Variants in PIWIL4 observed in about 807,000 individuals in gnomAD.
The protein encoded by PIWIL4 is piwi-like protein 4.
PIWIL4 carries 50 observed loss-of-function variants against 100.9 expected under a neutral mutation model. The ratio of observed to expected loss-of-function variants is 0.50; its 90% CI spans 0.39 to 0.63. PIWIL4 has a LOEUF of 0.63. PIWIL4 is among the 20% of genes least tolerant of loss of function. The pLI, the probability that PIWIL4 is intolerant of heterozygous loss-of-function variation, is 0.00. For synonymous variants in PIWIL4, 342 were observed against 367.5 expected, an observed-to-expected ratio of 0.93 and a Z score of 0.79; for missense variants, 887 against 1,043.3, an observed-to-expected ratio of 0.85 and a Z score of 2.06.
At chr11:94,593,713 C>T (rs1041623208) in intron 9 of PIWIL4, 72 bp downstream of exon 9, 43 of 1,511,302 alleles carry the variant, frequency 2.8e-5, no homozygotes, top group Non-Finnish European at 3.8e-5. Context: ...TGGGCAGACC[C>T]TCTTTAAGTT....
chr11:94,591,044 G>A (rs1948478884), intron 8 of PIWIL4, among the ~76,000 whole-genome samples: 1 of 152,220 alleles, frequency 6.6e-6, no homozygotes, highest in African/African-American at 2.4e-5. Context: ...TAAGAACCGA[G>A]TAAGATAATT....
intron 1 of PIWIL4, 24 bp downstream of exon 1, chr11:94,567,629 T>C (rs1948093727): frequency 6.4e-7 from 1 of 1,565,514 alleles, no homozygotes. Flanking sequence ...TTATTGCGCA[T>C]GGTTTCGTTT....
At chr11:94,595,282 C>T (rs1277329436) in intron 9 of PIWIL4, 27 bp from the exon 10 acceptor site, 1 of 1,595,860 alleles carries the variant, frequency 6.3e-7, no homozygotes, top group Non-Finnish European at 8.6e-7. Context: ...TTCATTTTCT[C>T]ACTTTGTCTT....
intron 13 of PIWIL4, among the ~76,000 whole-genome samples, chr11:94,605,275 A>G (rs1223454203): frequency 1.4e-4 from 21 of 152,186 alleles, no homozygotes; most frequent in Non-Finnish European, 2.8e-4. Flanking sequence ...CTCTCCTTCA[A>G]TCTGGAACAG....
At chr11:94,618,175 A>C in intron 17 of PIWIL4, 68 bp downstream of exon 17, 1 of 1,429,570 alleles carries the variant, frequency 7.0e-7, no homozygotes, top group Non-Finnish European at 9.3e-7. Context: ...TATTACACAC[A>C]AGGTATTCAA....
intron 3 of PIWIL4, among the ~76,000 whole-genome samples, 173 bp downstream of exon 3, chr11:94,575,303 C>T (rs1948222498): frequency 6.6e-6 from 1 of 152,182 alleles, no homozygotes; most frequent in African/African-American, 2.4e-5. Flanking sequence ...TTAATTTTCT[C>T]TTTTATTAGT....
intron 5 of PIWIL4, among the ~76,000 whole-genome samples, chr11:94,584,987 C>G (rs1948378641): frequency 6.6e-6 from 1 of 152,210 alleles, no homozygotes; most frequent in African/African-American, 2.4e-5. Flanking sequence ...AATCGCTTAA[C>G]CCGGGAGGCG....
Position 94,604,157 on chromosome 11 carries a change from C to G in PIWIL4, c.1638+101C>G, listed in dbSNP as rs988500674. 2.3e-4 allele frequency: 135 copies of G among 595,218 alleles called. No homozygotes were observed. The African/African-American group carries it at 2.5e-3, about 11-fold the overall frequency. The allele number at this position is 595,218 out of a possible 1,614,324, so 36.9% of individuals were successfully genotyped here. A position where few individuals can be genotyped will look rare whatever the true frequency, so the allele number is the denominator to read the frequency against. On this transcript the variant is annotated intron_variant, in intron 13 of 19. Coordinates refer to ENST00000299001, the MANE Select transcript of PIWIL4 (RefSeq NM_152431.3). ...CCTCCCATGATATATTTGCAAATTG[C>G]CATGCATTTCTCCAAAGCACCGAAG...
chr11:94,601,990 A>T lies in PIWIL4; in HGVS notation c.1565+11A>T. 6.3e-7 allele frequency: 1 copy of T among 1,593,962 alleles called. No homozygotes were observed. The highest frequency in any genetic ancestry group is 8.5e-7 in the Non-Finnish European group (1 of 1,172,996). On this transcript the variant is annotated intron_variant, in intron 12 of 19. Coordinates refer to ENST00000299001, the MANE Select transcript of PIWIL4 (RefSeq NM_152431.3). ...GGACTACCCCAAAATGTGAGAATACATTGAATTTTGTTCATATATTAATTT... is the reference window on the plus strand; with the variant it reads ...GGACTACCCCAAAATGTGAGAATACTTTGAATTTTGTTCATATATTAATTT...
rs370269405 is a variant in PIWIL4, at chr11:94,606,709, C to T, written c.1639-730C>T. ...ATTAGCCGGGCGTGGTGGCAGGCGC[C>T]TGTAATCCCAGCTACTCGGGAGGCT... On this transcript the variant is annotated intron_variant, in intron 13 of 19. Transcript: ENST00000299001. Among the ~76,000 whole-genome samples, 402 of 152,166 alleles carry T rather than the reference C, an allele frequency of 2.6e-3. 2 individuals carry two copies. Among genetic ancestry groups the T allele is most frequent in the Middle Eastern group, 0.01 (3 of 294 alleles).
intron 13 of PIWIL4, among the ~76,000 whole-genome samples, chr11:94,605,446 C>G (rs965732935): frequency 3.3e-5 from 5 of 152,194 alleles, no homozygotes; most frequent in Non-Finnish European, 7.3e-5. Flanking sequence ...ATCCTATATT[C>G]TAAGTGCATC....
Position 94,577,289 on chromosome 11 carries a change from A to G in PIWIL4, c.310A>G (p.Ile104Val), listed in dbSNP as rs760893162. The G allele has an allele frequency of 5.0e-6, 8 of 1,613,018 alleles. No homozygotes were observed. The Admixed American group carries it at 1.0e-4, about 20-fold the overall frequency. ...VRNCKTGSSG[I>V]PVKLVTNLFN... is the part of the protein sequence containing the mutation. ...TTTGTCTTCTTCAGGTTCCAGTGGA[A>G]TACCTGTGAAACTGGTTACAAACCT... Residue 104 changes from isoleucine to valine, a missense_variant, in exon 4 of 20, where the codon ATA becomes GTA. Physicochemically the swap from Ile to Val is conservative, Grantham distance 29. This residue lies in a region of PIWIL4 where 741 missense variants were observed against 930.0 expected (regional missense o/e 0.80). Transcript: ENST00000299001.
Position 94,619,891 on chromosome 11 carries a change from T to C in PIWIL4, c.2294+6T>C, listed in dbSNP as rs998326447. ...GAAGCAACACGTAACGAATGGCAAG[T>C]GCCGCTGGAAAATCAATTTTTAACA... On this transcript the variant is annotated splice_donor_region_variant and intron_variant, in intron 18 of 19. Coordinates refer to ENST00000299001, the MANE Select transcript of PIWIL4 (RefSeq NM_152431.3). 1.5e-5 allele frequency: 25 copies of C among 1,614,216 alleles called. No homozygotes were observed. The highest frequency in any genetic ancestry group is 2.1e-5 in the Non-Finnish European group (25 of 1,180,034).
chr11:94,585,794 A>G (rs924822710), intron 6 of PIWIL4, among the ~76,000 whole-genome samples: 2 of 152,234 alleles, frequency 1.3e-5, no homozygotes, highest in African/African-American at 2.4e-5. Flanking sequence ...AATAAGTAAT[A>G]ATGAAAGCAG....
In PIWIL4 at chr11:94,608,675, C is replaced by T; in HGVS notation, c.1932C>T (p.Pro644=). The T allele has an allele frequency of 6.2e-7, 1 of 1,613,834 alleles. No homozygotes were observed. The highest frequency in any genetic ancestry group is 8.5e-7 in the Non-Finnish European group (1 of 1,179,724). The part of the protein sequence containing the change: ...MVVGCVASVN[P]RITRWFSRCI... ...TTGGATGCGTGGCCAGTGTTAACCC[C>T]AGAATCACCAGGTACTGCTAAAACT... The change falls in exon 15 of 20, where the codon CCC becomes CCT. Residue 644 remains proline (P), a synonymous_variant. Coordinates refer to ENST00000299001, the MANE Select transcript of PIWIL4 (RefSeq NM_152431.3).
chr11:94,577,757 C>A (rs942055283), intron 4 of PIWIL4, among the ~76,000 whole-genome samples: 1 of 152,070 alleles, frequency 6.6e-6, no homozygotes, highest in Non-Finnish European at 1.5e-5. Context: ...TCAGTGCAGT[C>A]TTTTTTAGCT....
chr11:94,598,652 A>G (rs1948591825), intron 11 of PIWIL4, among the ~76,000 whole-genome samples: 1 of 151,232 alleles, frequency 6.6e-6, no homozygotes, highest in African/African-American at 2.4e-5. Flanking sequence ...TCTAACTGAT[A>G]TAATTGAACA....
intron 2 of PIWIL4, among the ~76,000 whole-genome samples, chr11:94,572,386 T>C (rs1389491688): frequency 2.6e-5 from 4 of 152,264 alleles, no homozygotes; most frequent in Non-Finnish European, 5.9e-5. Flanking sequence ...TGAATGGTAT[T>C]GCCTGGGTTT....
chr11:94,578,225 T>C (rs1441899962), intron 4 of PIWIL4, among the ~76,000 whole-genome samples: 1 of 152,188 alleles, frequency 6.6e-6, no homozygotes, highest in Non-Finnish European at 1.5e-5. Context: ...CCTCTTACAA[T>C]TTTTTGAAGA....
Sources: gnomAD v4.1 joint callset for allele counts (sites outside exome capture counted in the v4.1 genomes callset) on GRCh38, gnomAD v4.1.1 for gene constraint, gnomAD v4.1.1 regional missense constraint, MANE v1.5 for transcripts, NCBI Gene and HGNC (gene_info 2026-07-23, HGNC 2026-07-21) for gene names.